Variants in RUNX2 observed in about 807,000 individuals in gnomAD.
RUNX2 encodes RUNX family transcription factor 2.
RUNX2 carries 10 observed loss-of-function variants against 51.7 expected under a neutral mutation model. The observed-to-expected ratio is 0.19, with a 90% CI of 0.12 to 0.33. The LOEUF is 0.33. Ranked by LOEUF, RUNX2 falls within the 10% of genes least tolerant of loss-of-function variation. The pLI is 1.00. For missense variants in RUNX2, 562 were observed against 691.3 expected (o/e 0.81, Z 2.10); for synonymous variants, 276 against 273.6 (o/e 1.01, Z -0.09).
intron 5 of RUNX2, among the ~76,000 whole-genome samples, chr6:45,458,089 C>A (rs576228286): frequency 2.5e-4 from 36 of 145,634 alleles, no homozygotes; most frequent in Admixed American, 5.0e-4. Flanking sequence ...TGCAATGGCG[C>A]GATCTCAGCT....
intron 2 of RUNX2, among the ~76,000 whole-genome samples, chr6:45,364,943 G>A (rs1794873310): frequency 6.6e-6 from 1 of 152,088 alleles, no homozygotes; most frequent in Admixed American, 6.5e-5. Flanking sequence ...TAGAGCAATT[G>A]TGTCCACCTG....
chr6:45,494,573 G>T (rs926614590), intron 6 of RUNX2, among the ~76,000 whole-genome samples: 1 of 151,994 alleles, frequency 6.6e-6, no homozygotes, highest in Non-Finnish European at 1.5e-5. Context: ...CAAATTTCCA[G>T]ATGTCCACAT....
At chr6:45,532,875 C>T (rs1391945608) in intron 7 of RUNX2, among the ~76,000 whole-genome samples, 1 of 150,814 alleles carries the variant, frequency 6.6e-6, no homozygotes, top group Non-Finnish European at 1.5e-5. Context: ...GTTTGTCCCA[C>T]GTCCCACAGC....
rs561647765 is a variant in RUNX2, at chr6:45,423,524, A to G, written c.423+567A>G. ...CTCGGCGTCCCCTTCCCCGACCCGC[A>G]GAGTTCAGCGGTCCTGGTCCCTCCC... is the stretch of plus-strand genomic sequence containing the variant. On this transcript the variant is annotated intron_variant, in intron 3 of 8. Coordinates refer to ENST00000647337, the MANE Select transcript of RUNX2 (RefSeq NM_001024630.4). 1.3e-4 allele frequency among the ~76,000 whole-genome samples: 20 copies of G among 152,160 alleles called. No individual in the cohort carries two copies. The East Asian group carries it at 2.5e-3, about 19-fold the overall frequency.
chr6:45,440,924 C>T (rs1798825495), intron 5 of RUNX2, among the ~76,000 whole-genome samples: 1 of 152,178 alleles, frequency 6.6e-6, no homozygotes, highest in Non-Finnish European at 1.5e-5. Flanking sequence ...GATACTCGAT[C>T]TGTATTCCAC....
intron 6 of RUNX2, among the ~76,000 whole-genome samples, chr6:45,510,025 G>C (rs1801095519): frequency 6.6e-6 from 1 of 152,282 alleles, no homozygotes; most frequent in Non-Finnish European, 1.5e-5. Flanking sequence ...TTGCGAGACT[G>C]CTTTCCTGTG....
intron 5 of RUNX2, among the ~76,000 whole-genome samples, chr6:45,474,418 C>A (rs1327575683): frequency 6.6e-6 from 1 of 150,818 alleles, no homozygotes; most frequent in Non-Finnish European, 1.5e-5. Context: ...TTTCAGTAGA[C>A]AATACAATGT....
intron 2 of RUNX2, among the ~76,000 whole-genome samples, chr6:45,355,256 C>T (rs1792931465): frequency 1.3e-5 from 2 of 151,826 alleles, no homozygotes; most frequent in Non-Finnish European, 2.9e-5. Flanking sequence ...GCCACCATGC[C>T]CAGCTCCAAT....
chr6:45,444,644 C>T (rs76514528), intron 5 of RUNX2, among the ~76,000 whole-genome samples: 3 of 152,292 alleles, frequency 2.0e-5, no homozygotes, highest in East Asian at 3.9e-4. Context: ...TTTGCTTATT[C>T]TCAGTTGTGC....
At chr6:45,490,626 T>C (rs1180817843) in intron 5 of RUNX2, among the ~76,000 whole-genome samples, 2 of 152,208 alleles carry the variant, frequency 1.3e-5, no homozygotes, top group African/African-American at 2.4e-5. Context: ...TTGTTCTGTA[T>C]TAAGTGGAAG....
intron 2 of RUNX2, among the ~76,000 whole-genome samples, chr6:45,337,559 A>T (rs1366838609): frequency 1.3e-5 from 2 of 151,878 alleles, no homozygotes; most frequent in Non-Finnish European, 2.9e-5. Context: ...GATCTGCTCC[A>T]GAAACTCAAG....
At chr6:45,487,672 T>G (rs1402108028) in intron 5 of RUNX2, among the ~76,000 whole-genome samples, 1 of 151,948 alleles carries the variant, frequency 6.6e-6, no homozygotes, top group Non-Finnish European at 1.5e-5. Flanking sequence ...GACCAGAAAA[T>G]TTTCTTTCAC....
At chr6:45,447,216 C>T (rs1452535167) in intron 5 of RUNX2, among the ~76,000 whole-genome samples, 1 of 152,174 alleles carries the variant, frequency 6.6e-6, no homozygotes, top group Non-Finnish European at 1.5e-5. Flanking sequence ...GCAGGCAGGA[C>T]CTTTGCCGGC....
intron 2 of RUNX2, among the ~76,000 whole-genome samples, chr6:45,370,570 A>G (rs1349845692): frequency 6.6e-6 from 1 of 152,198 alleles, no homozygotes; most frequent in Non-Finnish European, 1.5e-5. Flanking sequence ...AGAACTTTGT[A>G]TAAGGATATA....
At chr6:45,451,159 A>T (rs1295028580) in intron 5 of RUNX2, among the ~76,000 whole-genome samples, 1 of 152,174 alleles carries the variant, frequency 6.6e-6, no homozygotes, top group Admixed American at 6.5e-5. Flanking sequence ...CAAGACCCAA[A>T]TTGGTAGGGA....
At chr6:45,483,244 C>T (rs1266401186) in intron 5 of RUNX2, among the ~76,000 whole-genome samples, 2 of 152,146 alleles carry the variant, frequency 1.3e-5, no homozygotes, top group Non-Finnish European at 2.9e-5. Flanking sequence ...AGTTTCTGAC[C>T]TGAATCAGAC....
chr6:45,359,956 C>T (rs1793957565), intron 2 of RUNX2, among the ~76,000 whole-genome samples: 1 of 152,148 alleles, frequency 6.6e-6, no homozygotes, highest in Non-Finnish European at 1.5e-5. Flanking sequence ...AGGAGGATCA[C>T]CTGGTCCTTG....
chr6:45,344,792 AAAG>A (rs996223017), intron 2 of RUNX2, among the ~76,000 whole-genome samples: 4 of 152,196 alleles, frequency 2.6e-5, no homozygotes, highest in African/African-American at 9.6e-5. Flanking sequence ...TGGACCTAAA[AAAG>A]AAGGCCACTT....
At chr6:45,512,527 G>C in intron 7 of RUNX2, 120 bp downstream of exon 7, 1 of 1,064,592 alleles carries the variant, frequency 9.4e-7, no homozygotes, top group Non-Finnish European at 1.4e-6. Context: ...GTGGGCAAGG[G>C]AATGACAACT....
Sources: gnomAD v4.1 joint callset for allele counts (sites outside exome capture counted in the v4.1 genomes callset) on GRCh38, gnomAD v4.1.1 for gene constraint, MANE v1.5 for transcripts, NCBI Gene and HGNC (gene_info 2026-07-23, HGNC 2026-07-21) for gene names.